PDE9A: variants seen among roughly 807,000 people sequenced by gnomAD.
The protein encoded by PDE9A is high affinity cGMP-specific 3',5'-cyclic phosphodiesterase 9A.
PDE9A carries 60 observed loss-of-function variants against 87.4 expected under a neutral mutation model. That is an observed-to-expected ratio of 0.69 (90% CI 0.56 to 0.85). PDE9A has a LOEUF of 0.85. Among genes scored for constraint, PDE9A ranks in the 40% least tolerant of loss-of-function variants. The pLI, the probability that PDE9A is intolerant of heterozygous loss-of-function variation, is 0.00. For synonymous variants in PDE9A, 272 were observed against 279.4 expected, an observed-to-expected ratio of 0.97 and a Z score of 0.27; for missense variants, 665 against 779.0, an observed-to-expected ratio of 0.85 and a Z score of 1.74.
chr21:42,747,276 T>G (rs1223430441), intron 8 of PDE9A, among the ~76,000 whole-genome samples: 1 of 151,086 alleles, frequency 6.6e-6, no homozygotes. Context: ...AAGCTGGAAC[T>G]TCCCCGGATG....
intron 15 of PDE9A, among the ~76,000 whole-genome samples, chr21:42,766,773 G>A (rs1367905303): frequency 4.6e-5 from 7 of 152,198 alleles, no homozygotes; most frequent in East Asian, 1.9e-4. Context: ...GGAGGGAGGC[G>A]CCGCCTTGTC....
Position 42,764,568 on chromosome 21 carries a change from C to T in PDE9A, c.1243-813C>T, listed in dbSNP as rs543247441. On this transcript the variant is annotated intron_variant, in intron 14 of 19. Coordinates refer to ENST00000291539, the MANE Select transcript of PDE9A (RefSeq NM_002606.3). ...GAGAGCATCCCGCAAGAGAAGGAGG[C>T]GGCACCTGATTGGAGGAGCAGCCGC... 4.8e-4 allele frequency among the ~76,000 whole-genome samples: 73 copies of T among 152,346 alleles called. No homozygotes were observed. The East Asian group carries it at 0.012, about 25-fold the overall frequency.
intron 7 of PDE9A, among the ~76,000 whole-genome samples, chr21:42,742,250 A>G (rs1399884355): frequency 6.6e-6 from 1 of 152,136 alleles, no homozygotes; most frequent in Non-Finnish European, 1.5e-5. Context: ...TCATTCATCA[A>G]GACAGGGGAA....
chr21:42,679,691 G>A (rs1393274527), intron 1 of PDE9A, among the ~76,000 whole-genome samples: 3 of 152,132 alleles, frequency 2.0e-5, no homozygotes. Context: ...AGCGGAGACA[G>A]GAGAACACTG....
chr21:42,733,662 C>T, intron 7 of PDE9A: 1 of 538,058 alleles, frequency 1.9e-6, no homozygotes, highest in African/African-American at 1.9e-5. Context: ...TCTTTCAGCC[C>T]CAAAGAATAA....
At chr21:42,677,351 C>T (rs558532103) in intron 1 of PDE9A, among the ~76,000 whole-genome samples, 1 of 152,310 alleles carries the variant, frequency 6.6e-6, no homozygotes, top group African/African-American at 2.4e-5. Flanking sequence ...GCATGACTTC[C>T]CTGACATAGA....
At chr21:42,747,281 CG>C (rs2053954817) in intron 8 of PDE9A, among the ~76,000 whole-genome samples, 1 of 133,558 alleles carries the variant, frequency 7.5e-6, no homozygotes, top group East Asian at 2.2e-4. Flanking sequence ...GGAACTTCCC[CG>C]GATGACTGGG....
rs2056660315 is a variant in PDE9A, at chr21:42,769,043, C to T, written c.1478C>T (p.Ser493Leu). 1 of 1,612,866 alleles carries T rather than the reference C, an allele frequency of 6.2e-7. No homozygotes were observed. The part of the protein sequence containing the change: ...EYFMQSDREK[S>L]EGLPVAPFMD... ...TCCCTGCAGAGCGACCGTGAGAAGT[C>T]AGAAGGCCTTCCTGTGGCACCGTTC... is the stretch of plus-strand genomic sequence containing the variant. Residue 493 changes from serine (S) to leucine (L), a missense_variant, in exon 17 of 20, where the codon TCA becomes TTA. Physicochemically the swap from Ser to Leu is moderately radical, Grantham distance 145 (BLOSUM62 -2). Coordinates refer to ENST00000291539, the MANE Select transcript of PDE9A (RefSeq NM_002606.3).
chr21:42,716,651 T>C (rs927947748), intron 4 of PDE9A, among the ~76,000 whole-genome samples: 4 of 151,348 alleles, frequency 2.6e-5, no homozygotes, highest in African/African-American at 9.7e-5. Context: ...GCTATATAAG[T>C]CTACTTACTC....
chr21:42,655,271 C>G (rs1245433112), intron 1 of PDE9A, among the ~76,000 whole-genome samples: 2 of 152,188 alleles, frequency 1.3e-5, no homozygotes, highest in Non-Finnish European at 2.9e-5. Context: ...CAAAGACCTG[C>G]CTTTAAAAGC....
chr21:42,733,454 C>T (rs774740397), intron 7 of PDE9A, 28 bp downstream of exon 7: 2 of 1,358,754 alleles, frequency 1.5e-6, no homozygotes, highest in Admixed American at 1.7e-5. Context: ...TTCCTTTTTG[C>T]TTCTCTGTCC....
intron 1 of PDE9A, among the ~76,000 whole-genome samples, chr21:42,676,491 C>T (rs915348443): frequency 5.3e-5 from 8 of 152,160 alleles, no homozygotes; most frequent in Admixed American, 4.6e-4. Flanking sequence ...TCTTCAATTC[C>T]GTCATTTCAA....
At chr21:42,707,904 A>C (rs909985152) in intron 4 of PDE9A, among the ~76,000 whole-genome samples, 7 of 152,208 alleles carry the variant, frequency 4.6e-5, no homozygotes, top group Admixed American at 3.9e-4. Flanking sequence ...ATCATTGAAA[A>C]TGACTTAGGG....
chr21:42,766,513 G>A (rs369298950), intron 15 of PDE9A, among the ~76,000 whole-genome samples: 8 of 152,264 alleles, frequency 5.3e-5, no homozygotes, highest in African/African-American at 1.4e-4. Context: ...GGGAACTCTC[G>A]GCTCAGGCTG....
chr21:42,693,456 G>T (rs1267326251), intron 3 of PDE9A, among the ~76,000 whole-genome samples: 1 of 148,884 alleles, frequency 6.7e-6, no homozygotes, highest in Admixed American at 6.7e-5. Flanking sequence ...CCGCCACCAC[G>T]CCCAGCTAAT....
intron 17 of PDE9A, among the ~76,000 whole-genome samples, 186 bp from the exon 18 acceptor site, chr21:42,770,517 T>G (rs1042839350): frequency 2.0e-5 from 3 of 151,946 alleles, no homozygotes; most frequent in Admixed American, 1.3e-4. Flanking sequence ...TAGGACCTCA[T>G]GGAGGGTGAT....
intron 4 of PDE9A, among the ~76,000 whole-genome samples, chr21:42,715,072 C>G (rs2049749242): frequency 6.6e-6 from 1 of 151,436 alleles, no homozygotes; most frequent in Non-Finnish European, 1.5e-5. Flanking sequence ...CTGCCTTCTC[C>G]TGTGTTAATT....
At chr21:42,712,854 C>T (rs560903942) in intron 4 of PDE9A, among the ~76,000 whole-genome samples, 3 of 152,128 alleles carry the variant, frequency 2.0e-5, no homozygotes, top group Admixed American at 6.6e-5. Context: ...GGATTTTGTT[C>T]CAGTACCTTT....
chr21:42,657,975 G>A (rs1347557837), intron 1 of PDE9A, among the ~76,000 whole-genome samples: 1 of 152,272 alleles, frequency 6.6e-6, no homozygotes, highest in Admixed American at 6.5e-5. Context: ...AGCCCAAAGG[G>A]AGGAGCCGCG....
Sources: allele counts gnomAD v4.1 joint callset (sites outside exome capture counted in the v4.1 genomes callset), GRCh38; gene constraint gnomAD v4.1.1; transcripts MANE v1.5; gene names NCBI Gene and HGNC (gene_info 2026-07-23, HGNC 2026-07-21).